DCLK1: variants seen among roughly 807,000 people sequenced by gnomAD.
The protein encoded by DCLK1 is doublecortin like kinase 1.
In DCLK1, 16 loss-of-function variants were observed where a neutral mutation model predicts 86.2. The ratio of observed to expected loss-of-function variants is 0.19; its 90% CI spans 0.13 to 0.28. The LOEUF is 0.28. DCLK1 is among the 10% of genes least tolerant of loss of function. The probability of loss-of-function intolerance (pLI) is 1.00; values close to 1 mark genes in which losing one functional copy is unlikely to be tolerated. For missense variants in DCLK1, 590 were observed against 940.2 expected (o/e 0.63, Z 4.87); for synonymous variants, 369 against 370.5 (o/e 1.00, Z 0.05).
At position 36,033,116 on chromosome 13, in the gene DCLK1, C is replaced by T. The variant is rs147905117; in HGVS notation, c.723+78753G>A. Reference sequence around the variant, plus strand: ...AGTAGCTGGAGATTTCTTTCTTGGCCTACACTCACGCTTTTAAAATATGAA... The same window carrying T: ...AGTAGCTGGAGATTTCTTTCTTGGCTTACACTCACGCTTTTAAAATATGAA... On this transcript the variant is annotated intron_variant, in intron 3 of 16. Coordinates refer to ENST00000360631, the MANE Select transcript of DCLK1 (RefSeq NM_001330071.2). Among the ~76,000 whole-genome samples the T allele has an allele frequency of 3.8e-4, 58 of 152,310 alleles. 2 individuals are homozygous for T. In the East Asian group the frequency reaches 0.011, roughly 28 times the overall value.
At chr13:35,841,298 C>T (rs577047745) in intron 6 of DCLK1, among the ~76,000 whole-genome samples, 26 of 152,294 alleles carry the variant, frequency 1.7e-4, no homozygotes, top group Non-Finnish European at 3.1e-4. Context: ...TTAGTAAGAA[C>T]ATCAGGTACT....
intron 3 of DCLK1, among the ~76,000 whole-genome samples, chr13:36,080,119 A>AT (rs397809592): frequency 6.6e-6 from 1 of 151,858 alleles, no homozygotes; most frequent in Non-Finnish European, 1.5e-5. Context: ...GGAAAAAAAA[A>AT]TGTCTGTTTC....
At chr13:36,051,144 A>C (rs540076336) in intron 3 of DCLK1, among the ~76,000 whole-genome samples, 7 of 152,202 alleles carry the variant, frequency 4.6e-5, no homozygotes, top group Non-Finnish European at 8.8e-5. Flanking sequence ...GAAATTTTAA[A>C]AATGAGGAGA....
At chr13:35,879,727 G>A (rs1467204398) in intron 4 of DCLK1, among the ~76,000 whole-genome samples, 5 of 152,126 alleles carry the variant, frequency 3.3e-5, no homozygotes, top group Non-Finnish European at 7.4e-5. Context: ...TGCAGACACC[G>A]GGCATGAAAA....
intron 3 of DCLK1, among the ~76,000 whole-genome samples, chr13:36,061,097 A>C (rs1926337): frequency 3.9e-5 from 6 of 151,994 alleles, no homozygotes; most frequent in African/African-American, 1.4e-4. Flanking sequence ...GCATGTGGTG[A>C]TGGCGATGAT....
At chr13:36,031,451 A>T (rs918357569) in intron 3 of DCLK1, among the ~76,000 whole-genome samples, 1 of 152,206 alleles carries the variant, frequency 6.6e-6, no homozygotes, top group African/African-American at 2.4e-5. Flanking sequence ...TATGTACACA[A>T]ATTATATGTA....
At chr13:35,902,922 A>G (rs1874463156) in intron 4 of DCLK1, among the ~76,000 whole-genome samples, 1 of 152,210 alleles carries the variant, frequency 6.6e-6, no homozygotes, top group African/African-American at 2.4e-5. Context: ...TTTGCAAAGC[A>G]AGAAAATTCT....
chr13:35,862,457 C>T (rs926555142), intron 5 of DCLK1, among the ~76,000 whole-genome samples: 1 of 152,212 alleles, frequency 6.6e-6, no homozygotes, highest in Non-Finnish European at 1.5e-5. Flanking sequence ...ACAATGGCCT[C>T]ATAGAGCCTT....
chr13:35,797,421 TA>T (rs2086834527), intron 15 of DCLK1, among the ~76,000 whole-genome samples: 1 of 152,188 alleles, frequency 6.6e-6, no homozygotes, highest in East Asian at 1.9e-4. Flanking sequence ...GTCCTGGTCC[TA>T]ATCTCCTGTC....
rs1396701343 is a variant in DCLK1, at chr13:35,769,878, A to G, written c.*4657T>C. 1.3e-5 allele frequency: 2 copies of G among 152,194 alleles called. No homozygotes were observed. The highest frequency in any genetic ancestry group is 2.9e-5 in the Non-Finnish European group (2 of 68,028). 9.4% of individuals were successfully genotyped at this position (152,194 alleles called of 1,614,324 possible). A position where few individuals can be genotyped will look rare whatever the true frequency, so the allele number is the denominator to read the frequency against. On this transcript the variant is annotated 3_prime_UTR_variant, in exon 17 of 17. Transcript: ENST00000360631. ...TCTTTAGGGAACAAAATGAAACTAG[A>G]TCTCTCATTTGTCTGTATGGGCAAG...
chr13:35,832,387 T>G (rs914935867), intron 8 of DCLK1, among the ~76,000 whole-genome samples: 1 of 152,160 alleles, frequency 6.6e-6, no homozygotes, highest in Non-Finnish European at 1.5e-5. Flanking sequence ...GTTTGCTATG[T>G]TTTGAAGGAT....
At chr13:35,839,252 G>A (rs866815915) in intron 6 of DCLK1, 76 bp from the exon 7 acceptor site, 12 of 1,312,102 alleles carry the variant, frequency 9.1e-6, no homozygotes. Context: ...GCCCAGCCCG[G>A]AATCTCAGGA....
intron 1 of DCLK1, among the ~76,000 whole-genome samples, chr13:36,130,486 G>A (rs796138751): frequency 9.2e-5 from 14 of 152,284 alleles, no homozygotes; most frequent in Non-Finnish European, 1.9e-4. Context: ...GGGGCTGTGC[G>A]TGCGCTCCCA....
At chr13:35,929,760 C>T (rs1351239457) in intron 4 of DCLK1, among the ~76,000 whole-genome samples, 1 of 152,072 alleles carries the variant, frequency 6.6e-6, no homozygotes, top group Non-Finnish European at 1.5e-5. Flanking sequence ...ACCACACTTC[C>T]TTTCATATCT....
intron 3 of DCLK1, among the ~76,000 whole-genome samples, chr13:36,102,275 A>C (rs1885245861): frequency 6.9e-6 from 1 of 144,078 alleles, no homozygotes; most frequent in South Asian, 2.2e-4. Flanking sequence ...AATCAATTTT[A>C]TGTTACTATC....
intron 3 of DCLK1, among the ~76,000 whole-genome samples, chr13:36,029,541 T>A (rs1882183683): frequency 6.6e-6 from 1 of 152,306 alleles, no homozygotes; most frequent in Non-Finnish European, 1.5e-5. Flanking sequence ...CTTTTAATGT[T>A]AAATACTAGA....
At chr13:36,087,826 A>G (rs1341605359) in intron 3 of DCLK1, among the ~76,000 whole-genome samples, 2 of 152,164 alleles carry the variant, frequency 1.3e-5, no homozygotes, top group East Asian at 3.9e-4. Flanking sequence ...AGCCAAGGAT[A>G]AGACTAAGAC....
intron 3 of DCLK1, among the ~76,000 whole-genome samples, chr13:35,986,627 A>G (rs1055824123): frequency 2.6e-5 from 4 of 152,186 alleles, no homozygotes; most frequent in Non-Finnish European, 1.5e-5. Flanking sequence ...AATCTGCCTG[A>G]CATTAGCTCC....
At chr13:35,999,774 A>G (rs1411038536) in intron 3 of DCLK1, among the ~76,000 whole-genome samples, 1 of 152,130 alleles carries the variant, frequency 6.6e-6, no homozygotes. Flanking sequence ...TTCTTGGAGG[A>G]AATTGGTAGG....
Sources: gnomAD v4.1 joint callset for allele counts (sites outside exome capture counted in the v4.1 genomes callset) on GRCh38, gnomAD v4.1.1 for gene constraint, MANE v1.5 for transcripts, NCBI Gene and HGNC (gene_info 2026-07-23, HGNC 2026-07-21) for gene names.